Variants in MIGA1 observed in about 807,000 individuals in gnomAD.
MIGA1 encodes the protein mitoguardin 1.
A neutral mutation model predicts 82.0 loss-of-function variants in MIGA1; 58 were observed. The observed-to-expected ratio is 0.71, with a 90% confidence interval of 0.57 to 0.88. The LOEUF is 0.88. MIGA1 is among the 40% of genes least tolerant of loss of function. The pLI, the probability that MIGA1 is intolerant of heterozygous loss-of-function variation, is 0.00. For missense variants in MIGA1, 751 were observed against 749.1 expected, an observed-to-expected ratio of 1.00 and a Z score of -0.03; for synonymous variants, 249 against 253.6, an observed-to-expected ratio of 0.98 and a Z score of 0.17.
At chr1:77,869,727 G>A (rs1685842227) in intron 14 of MIGA1, among the ~76,000 whole-genome samples, 1 of 108,934 alleles carries the variant, frequency 9.2e-6, no homozygotes, top group Admixed American at 8.2e-5. Context: ...CCCGGACAGG[G>A]CGGCTGGCCG....
rs116690786 is a variant in MIGA1 at position 77,794,112 on chromosome 1, T to A, written c.196-7219T>A. Among the ~76,000 whole-genome samples, 618 of 152,212 alleles carry A rather than the reference T, an allele frequency of 4.1e-3. 3 individuals carry two copies. Among genetic ancestry groups the A allele is most frequent in the African/African-American group, 0.014 (585 of 41,534 alleles). On this transcript the variant is annotated intron_variant, in intron 2 of 15. Coordinates refer to ENST00000370791, the MANE Select transcript of MIGA1 (RefSeq NM_198549.4). ...CCTTAAACTTTTATTTTGAAAGAAT[T>A]TTATTTACCAAAGAGTTGCAAAGAT...
chr1:77,805,147 AC>A (rs1230357852), intron 4 of MIGA1, among the ~76,000 whole-genome samples: 3 of 151,884 alleles, frequency 2.0e-5, no homozygotes, highest in Non-Finnish European at 4.4e-5. Context: ...GGCACCCGCC[AC>A]CACGCCCGGC....
chr1:77,805,070 C>T (rs1443714278), intron 4 of MIGA1, among the ~76,000 whole-genome samples: 1 of 147,778 alleles, frequency 6.8e-6, no homozygotes, highest in East Asian at 2.0e-4. Context: ...TCTCCGCTCA[C>T]TGCAAGCTCT....
At chr1:77,782,851 C>G (rs112559765) in intron 1 of MIGA1, 2 of 984,626 alleles carry the variant, frequency 2.0e-6, no homozygotes, top group South Asian at 4.7e-5. Flanking sequence ...CTCTCACCCC[C>G]GCAGTTATAT....
chr1:77,786,151 C>T (rs752720124), intron 2 of MIGA1, among the ~76,000 whole-genome samples: 2 of 152,238 alleles, frequency 1.3e-5, no homozygotes, highest in Non-Finnish European at 2.9e-5. Flanking sequence ...CCCTCTGAAG[C>T]CACAGCCCAA....
Position 77,875,028 on chromosome 1 carries a change from T to G in MIGA1, c.1863T>G (p.Val621=), listed in dbSNP as rs772154301. 5.6e-6 allele frequency: 9 copies of G among 1,614,052 alleles called. No homozygotes were observed. In the Admixed American group the frequency reaches 6.7e-5, roughly 12 times the overall value. ...GTTGTCTAAGCAGTCATGGTCATGT[T>G]ATGTCCACTGGGCTACTGGAAGCCA... Residue 621 remains valine (V), a synonymous_variant, in exon 16 of 16, where the codon GTT becomes GTG. Coordinates refer to ENST00000370791, the MANE Select transcript of MIGA1 (RefSeq NM_198549.4).
chr1:77,831,144 A>C (rs1459305343), intron 7 of MIGA1, among the ~76,000 whole-genome samples: 3 of 152,188 alleles, frequency 2.0e-5, no homozygotes, highest in East Asian at 3.8e-4. Flanking sequence ...TAAGATAAGA[A>C]CTTGAAAGTA....
intron 8 of MIGA1, chr1:77,848,737 A>C (rs1684935274): frequency 6.7e-7 from 1 of 1,484,332 alleles, no homozygotes; most frequent in Non-Finnish European, 9.4e-7. Context: ...AGCTAGAGAC[A>C]GGTACTTGGC....
chr1:77,832,189 A>T (rs1684268584), intron 7 of MIGA1, among the ~76,000 whole-genome samples: 1 of 152,246 alleles, frequency 6.6e-6, no homozygotes, highest in African/African-American at 2.4e-5. Context: ...ATCTTAAACC[A>T]GGAATTTTTG....
chr1:77,780,908 CTTTTTTTT>C (rs1351911649), intron 1 of MIGA1, among the ~76,000 whole-genome samples: 1 of 133,246 alleles, frequency 7.5e-6, no homozygotes, highest in African/African-American at 2.7e-5. Flanking sequence ...TTTCTTTTTT[CTTTTTTTT>C]TTTTTTTTGA....
chr1:77,837,618 A>C lies in MIGA1; in HGVS notation c.896-5689A>C, dbSNP rs575884580. On this transcript the variant is annotated intron_variant, in intron 7 of 15. Transcript: ENST00000370791. ...GGTATCTGGCAAGTACTGAGTGAAA[A>C]ATAAATGTTTATTTTGATTAATTGC... Among the ~76,000 whole-genome samples the C allele has an allele frequency of 1.9e-3, 295 of 152,336 alleles. 1 individual carries two copies. Among genetic ancestry groups the C allele is most frequent in the Non-Finnish European group, 3.7e-3 (255 of 68,022 alleles).
At chr1:77,861,095 T>C (rs537725201) in intron 11 of MIGA1, 129 bp from the exon 12 acceptor site, 1 of 590,360 alleles carries the variant, frequency 1.7e-6, no homozygotes, top group Non-Finnish European at 2.9e-6. Flanking sequence ...AAATTTGGCA[T>C]ACCTTTAAAA....
chr1:77,783,974 G>C (rs959500215), intron 2 of MIGA1, among the ~76,000 whole-genome samples: 1 of 152,160 alleles, frequency 6.6e-6, no homozygotes, highest in Non-Finnish European at 1.5e-5. Flanking sequence ...CATCCATGTT[G>C]TAGCATATGT....
At chr1:77,839,098 A>T (rs929796321) in intron 7 of MIGA1, among the ~76,000 whole-genome samples, 7 of 152,212 alleles carry the variant, frequency 4.6e-5, no homozygotes, top group Non-Finnish European at 7.3e-5. Flanking sequence ...TAGAATTGCT[A>T]GGTCATAGAG....
intron 12 of MIGA1, among the ~76,000 whole-genome samples, chr1:77,863,466 C>A (rs910898708): frequency 6.6e-6 from 1 of 152,136 alleles, no homozygotes; most frequent in Non-Finnish European, 1.5e-5. Context: ...ATACTCTAGG[C>A]GTCTAATTTG....
intron 5 of MIGA1, chr1:77,811,542 T>C (rs1683328189): frequency 1.2e-6 from 2 of 1,604,770 alleles, no homozygotes; most frequent in East Asian, 4.5e-5. Context: ...CTTGAGACTG[T>C]GTGGACTGTA....
chr1:77,852,640 G>A (rs534855533), intron 8 of MIGA1, among the ~76,000 whole-genome samples: 2 of 152,278 alleles, frequency 1.3e-5, no homozygotes, highest in East Asian at 1.9e-4. Flanking sequence ...TTCTGGGTAA[G>A]TTCCTGCTAA....
At chr1:77,863,055 TC>T (rs1162330686) in intron 12 of MIGA1, among the ~76,000 whole-genome samples, 1 of 152,160 alleles carries the variant, frequency 6.6e-6, no homozygotes. Flanking sequence ...TTTCTAGTGT[TC>T]CCTTATTCAG....
intron 2 of MIGA1, among the ~76,000 whole-genome samples, chr1:77,800,266 C>A (rs2101745434): frequency 6.6e-6 from 1 of 152,244 alleles, no homozygotes; most frequent in East Asian, 1.9e-4. Context: ...TTTGCAGCAC[C>A]TCTCTCCAGC....
Sources: allele counts gnomAD v4.1 joint callset (sites outside exome capture counted in the v4.1 genomes callset), GRCh38; gene constraint gnomAD v4.1.1; transcripts MANE v1.5; gene names NCBI Gene and HGNC (gene_info 2026-07-23, HGNC 2026-07-21).